The following RAB3B variants were observed in gnomAD, a reference collection of about 807,000 sequenced individuals.
RAB3B encodes RAB3B, member RAS oncogene family.
In RAB3B, 11 loss-of-function variants were observed where a neutral mutation model predicts 20.5. The observed-to-expected ratio is 0.54, with a 90% confidence interval of 0.34 to 0.89. RAB3B has a LOEUF of 0.89. Ranked by LOEUF, RAB3B falls within the 40% of genes least tolerant of loss-of-function variation. The probability of loss-of-function intolerance (pLI) is 0.02; values close to 1 mark genes in which losing one functional copy is unlikely to be tolerated. For synonymous variants in RAB3B, 99 were observed against 106.3 expected, an observed-to-expected ratio of 0.93 and a Z score of 0.42; for missense variants, 225 against 280.9, an observed-to-expected ratio of 0.80 and a Z score of 1.42.
chr1:51,989,208 TTGTGTGTGTGTGTGTGTGTG>T (rs60661761), intron 1 of RAB3B, among the ~76,000 whole-genome samples: 13 of 99,868 alleles, frequency 1.3e-4, no homozygotes, highest in African/African-American at 3.0e-4. Context: ...CCATCTTGTT[TTGTGTGTGTGTGTGTGTGTG>T]TGTGTGTGTG....
chr1:51,929,297 C>A (rs995693109), intron 4 of RAB3B, among the ~76,000 whole-genome samples: 1 of 152,104 alleles, frequency 6.6e-6, no homozygotes, highest in Non-Finnish European at 1.5e-5. Flanking sequence ...GTCTTGTGGA[C>A]TTCCCAGTTA....
chr1:51,956,583 C>A (rs948459365), intron 2 of RAB3B, among the ~76,000 whole-genome samples: 1 of 152,232 alleles, frequency 6.6e-6, no homozygotes, highest in Non-Finnish European at 1.5e-5. Context: ...TGGACAACTC[C>A]ATAGGCCCCA....
chr1:51,941,575 A>G (rs751975675), intron 2 of RAB3B, among the ~76,000 whole-genome samples: 2 of 152,218 alleles, frequency 1.3e-5, no homozygotes, highest in Non-Finnish European at 2.9e-5. Flanking sequence ...TTAGATGTGA[A>G]GAGAAGAAAA....
chr1:51,967,130 T>C (rs1456853749), intron 2 of RAB3B, among the ~76,000 whole-genome samples: 1 of 152,076 alleles, frequency 6.6e-6, no homozygotes. Context: ...CTGGCCAACG[T>C]GGTGAAAACC....
intron 4 of RAB3B, among the ~76,000 whole-genome samples, chr1:51,928,306 C>T (rs1684274684): frequency 6.6e-6 from 1 of 152,164 alleles, no homozygotes; most frequent in African/African-American, 2.4e-5. Flanking sequence ...GAGGTTTCTC[C>T]ATGTTGGTCA....
chr1:51,978,772 T>C (rs1685043924), intron 1 of RAB3B, among the ~76,000 whole-genome samples: 1 of 152,164 alleles, frequency 6.6e-6, no homozygotes, highest in Non-Finnish European at 1.5e-5. Context: ...GTTTTCATTC[T>C]TTTTAGGAAT....
intron 2 of RAB3B, among the ~76,000 whole-genome samples, chr1:51,950,664 G>A (rs1213452259): frequency 5.9e-5 from 9 of 152,102 alleles, no homozygotes; most frequent in Admixed American, 4.6e-4. Flanking sequence ...TTATCTCTGG[G>A]GTCTTCATCC....
intron 4 of RAB3B, among the ~76,000 whole-genome samples, chr1:51,921,416 G>C (rs909414372): frequency 6.6e-6 from 1 of 152,188 alleles, no homozygotes; most frequent in African/African-American, 2.4e-5. Flanking sequence ...ACAAAGTCAT[G>C]TGGCTGTATT....
Position 51,916,272 on chromosome 1 carries a change from C to T in RAB3B, c.*3655G>A, listed in dbSNP as rs888128268. 2.0e-5 allele frequency: 3 copies of T among 152,288 alleles called. No individual in the cohort carries two copies. The highest frequency in any genetic ancestry group is 2.9e-5 in the Non-Finnish European group (2 of 68,034). 9.4% of individuals were successfully genotyped at this position (152,288 alleles called of 1,614,324 possible). A position where few individuals can be genotyped will look rare whatever the true frequency, so the allele number is the denominator to read the frequency against. On this transcript the variant is annotated 3_prime_UTR_variant, in exon 5 of 5. Transcript: ENST00000371655. Reference sequence around the variant, plus strand: ...CCACTATAACATTTAACTCTTGATTCCATCTATTGTGAAGATGCTTGTTCC... The same window carrying T: ...CCACTATAACATTTAACTCTTGATTTCATCTATTGTGAAGATGCTTGTTCC...
intron 2 of RAB3B, among the ~76,000 whole-genome samples, chr1:51,950,371 C>A (rs1163613553): frequency 6.6e-6 from 1 of 152,224 alleles, no homozygotes; most frequent in Non-Finnish European, 1.5e-5. Flanking sequence ...TCTGTCTCCT[C>A]TTTCAGGCTA....
At chr1:51,986,809 G>T (rs55680595) in intron 1 of RAB3B, among the ~76,000 whole-genome samples, 4,884 of 152,278 alleles carry the variant, frequency 0.032, 103 homozygotes, top group Non-Finnish European at 0.049. Flanking sequence ...CCCCCAAGGG[G>T]ATCTTCTTAG....
chr1:51,973,124 G>T (rs1684959828), intron 2 of RAB3B, among the ~76,000 whole-genome samples: 1 of 152,144 alleles, frequency 6.6e-6, no homozygotes, highest in Admixed American at 6.5e-5. Context: ...TGGCTCCCCA[G>T]TGCCTATGGT....
rs61590258 is a variant in RAB3B at position 51,912,542 on chromosome 1, T to TAAAA, written c.*7381_*7384dup. On this transcript the variant is annotated 3_prime_UTR_variant, in exon 5 of 5. Transcript: ENST00000371655. ...GGCAACATAGCAAGACCGTCTCTAT[T>TAAAA]AAAAAAAAAAAAATATATATATATA... The TAAAA allele has an allele frequency of 0.073, 463 of 6,360 alleles. 108 individuals carry two copies. The highest frequency in any genetic ancestry group is 0.25 in the Middle Eastern group (1 of 4). 0.4% of individuals were successfully genotyped at this position (6,360 alleles called of 1,614,324 possible). A position where few individuals can be genotyped will look rare whatever the true frequency, so the allele number is the denominator to read the frequency against.
intron 2 of RAB3B, among the ~76,000 whole-genome samples, chr1:51,970,771 C>T (rs955944863): frequency 8.6e-5 from 13 of 151,300 alleles, no homozygotes; most frequent in African/African-American, 2.9e-4. Context: ...TTTGGGAGGC[C>T]GAGGCGGGCA....
intron 1 of RAB3B, among the ~76,000 whole-genome samples, chr1:51,981,558 A>G (rs971971945): frequency 1.8e-4 from 28 of 152,242 alleles, no homozygotes; most frequent in African/African-American, 6.5e-4. Flanking sequence ...ATTCTAGTCT[A>G]TACCTTCTAT....
In RAB3B at chr1:51,946,972, G is replaced by A. The variant is rs114404292; in HGVS notation, c.229-9560C>T. ...GTGCTGTTTCCAGGATGCCGTTTAC[G>A]TCATTTCTCTTAATTGTTATATCAG... On this transcript the variant is annotated intron_variant, in intron 2 of 4. Transcript: ENST00000371655. Among the ~76,000 whole-genome samples, 943 of 152,196 alleles carry A rather than the reference G, an allele frequency of 6.2e-3. 26 individuals are homozygous for A. The South Asian group carries it at 0.093, about 15-fold the overall frequency.
intron 2 of RAB3B, among the ~76,000 whole-genome samples, chr1:51,974,639 C>G (rs1349478813): frequency 6.6e-6 from 1 of 152,188 alleles, no homozygotes; most frequent in Non-Finnish European, 1.5e-5. Flanking sequence ...CTCAGATGCA[C>G]AGTGTAGAGA....
At chr1:51,928,393 C>T (rs1369615318) in intron 4 of RAB3B, among the ~76,000 whole-genome samples, 1 of 152,234 alleles carries the variant, frequency 6.6e-6, no homozygotes, top group African/African-American at 2.4e-5. Context: ...AGGCGTGAGC[C>T]ACCAAGCCCA....
At position 51,913,001 on chromosome 1, in the gene RAB3B, G is replaced by A. The variant is rs1324179642; in HGVS notation, c.*6926C>T. 1 of 152,076 alleles carries A rather than the reference G, an allele frequency of 6.6e-6. No homozygotes were observed. Among genetic ancestry groups the A allele is most frequent in the Non-Finnish European group, 1.5e-5 (1 of 68,002 alleles). The allele number at this position is 152,076 out of a possible 1,614,324, so 9.4% of individuals were successfully genotyped here. On this transcript the variant is annotated 3_prime_UTR_variant, in exon 5 of 5. Transcript: ENST00000371655. The stretch of plus-strand genomic sequence containing the variant: ...CATCTAAAGCCTCGGGACTAGACGA[G>A]TACATCAAAGAAGGAAGTACAGTTA...
Sources: allele counts gnomAD v4.1 joint callset (sites outside exome capture counted in the v4.1 genomes callset), GRCh38; gene constraint gnomAD v4.1.1; transcripts MANE v1.5; gene names NCBI Gene and HGNC (gene_info 2026-07-23, HGNC 2026-07-21).